Variants in DLGAP1 observed in about 807,000 individuals in gnomAD.
DLGAP1 encodes DLG associated protein 1.
A neutral mutation model predicts 90.8 loss-of-function variants in DLGAP1; 11 were observed. The observed-to-expected ratio is 0.12, with a 90% CI of 0.08 to 0.20. The LOEUF (loss-of-function observed/expected upper bound fraction) is 0.20, where lower values mean the gene tolerates loss of function less well. Among genes scored for constraint, DLGAP1 ranks in the 10% least tolerant of loss-of-function variants. The pLI is 1.00. For synonymous variants in DLGAP1, 558 were observed against 540.7 expected (o/e 1.03, Z -0.44); for missense variants, 1,050 against 1,333.8 (o/e 0.79, Z 3.31).
chr18:3,530,704 G>A (rs560772852), intron 10 of DLGAP1, among the ~76,000 whole-genome samples: 1 of 152,270 alleles, frequency 6.6e-6, no homozygotes, highest in Admixed American at 6.5e-5. Flanking sequence ...TTGTTTACCT[G>A]TCACCAGGGC....
At chr18:3,947,960 A>T (rs1331806643) in intron 3 of DLGAP1, among the ~76,000 whole-genome samples, 1 of 152,150 alleles carries the variant, frequency 6.6e-6, no homozygotes, top group Non-Finnish European at 1.5e-5. Flanking sequence ...ATCTCAGGAA[A>T]TAGAGGTAGT....
intron 7 of DLGAP1, among the ~76,000 whole-genome samples, chr18:3,593,163 C>G (rs951623345): frequency 6.6e-6 from 1 of 152,114 alleles, no homozygotes; most frequent in Non-Finnish European, 1.5e-5. Flanking sequence ...AACACCTTGT[C>G]CACTAAAGCA....
intron 7 of DLGAP1, among the ~76,000 whole-genome samples, chr18:3,651,286 G>C (rs2059293062): frequency 6.6e-6 from 1 of 152,160 alleles, no homozygotes; most frequent in African/African-American, 2.4e-5. Context: ...TTGAACCCAG[G>C]AGGTGGAGGT....
intron 7 of DLGAP1, chr18:3,606,824 T>C (rs1264953869): frequency 6.6e-6 from 1 of 152,244 alleles, no homozygotes; most frequent in East Asian, 1.9e-4. Flanking sequence ...TTCACTGCTA[T>C]GACATGACTA....
At chr18:4,100,169 T>C (rs1373895571) in intron 2 of DLGAP1, among the ~76,000 whole-genome samples, 3 of 152,190 alleles carry the variant, frequency 2.0e-5, no homozygotes, top group Non-Finnish European at 4.4e-5. Context: ...CTATGGCAGC[T>C]ATAGCCTTAC....
rs1298891411 is a variant in DLGAP1, at chr18:4,028,868, GT to G, written c.-158-23668del. On this transcript the variant is annotated intron_variant, in intron 2 of 12. Coordinates refer to ENST00000315677, the MANE Select transcript of DLGAP1 (RefSeq NM_004746.4). The stretch of plus-strand genomic sequence containing the variant: ...TGTGCTAAATGCCATCTAACCCTTT[GT>G]TTTTTTCCAAGCAAGTAGCATTTTT... Among the ~76,000 whole-genome samples, 6 of 151,864 alleles carry G rather than the reference GT, an allele frequency of 4.0e-5. 1 individual carries two copies. The Middle Eastern group carries it at 0.01, about 258-fold the overall frequency.
intron 9 of DLGAP1, among the ~76,000 whole-genome samples, chr18:3,563,781 T>TA (rs2054282412): frequency 6.6e-6 from 1 of 152,258 alleles, no homozygotes; most frequent in Non-Finnish European, 1.5e-5. Flanking sequence ...TCTGGCTTTT[T>TA]ATCAGTCTTC....
intron 1 of DLGAP1, among the ~76,000 whole-genome samples, chr18:4,270,747 T>C (rs907765601): frequency 1.3e-5 from 2 of 152,184 alleles, no homozygotes; most frequent in Non-Finnish European, 2.9e-5. Context: ...AATCAGGTGA[T>C]TTTATAAGCT....
chr18:4,399,878 A>G (rs902285908), intron 1 of DLGAP1, among the ~76,000 whole-genome samples: 5 of 152,192 alleles, frequency 3.3e-5, no homozygotes, highest in African/African-American at 1.2e-4. Context: ...AAATACCTGT[A>G]AAGCACTGAC....
intron 1 of DLGAP1, among the ~76,000 whole-genome samples, chr18:4,407,546 T>C (rs2082687729): frequency 6.6e-6 from 1 of 152,296 alleles, no homozygotes; most frequent in Non-Finnish European, 1.5e-5. Flanking sequence ...AGGAGCTTTC[T>C]GGGTCTCGGC....
intron 7 of DLGAP1, among the ~76,000 whole-genome samples, chr18:3,611,087 G>A (rs1480489489): frequency 1.3e-5 from 2 of 150,776 alleles, no homozygotes; most frequent in Non-Finnish European, 3.0e-5. Flanking sequence ...AGCTATGATC[G>A]CACCACTGCA....
intron 1 of DLGAP1, among the ~76,000 whole-genome samples, chr18:4,249,547 C>T (rs1242640835): frequency 6.6e-6 from 1 of 151,066 alleles, no homozygotes; most frequent in African/African-American, 2.4e-5. Context: ...AGTACAGTAA[C>T]CGTTCAGTAA....
rs73377684 is a variant in DLGAP1, at chr18:3,509,991, G to T, written c.2480-1330C>A. ...CCCCTCCCTCCGTGATCTCGAGGGG[G>T]TCTCCCTTGACAGCTGTCTAGCAGC... On this transcript the variant is annotated intron_variant, in intron 10 of 12. Transcript: ENST00000315677. Among the ~76,000 whole-genome samples, 437 of 152,296 alleles carry T rather than the reference G, an allele frequency of 2.9e-3. 2 individuals are homozygous for T. Among genetic ancestry groups the T allele is most frequent in the Middle Eastern group, 0.017 (5 of 294 alleles).
intron 7 of DLGAP1, among the ~76,000 whole-genome samples, chr18:3,628,937 G>C (rs1004883461): frequency 1.3e-5 from 2 of 152,098 alleles, no homozygotes; most frequent in Non-Finnish European, 2.9e-5. Context: ...ATGCCACCAT[G>C]AATATTCCTG....
At chr18:4,280,934 G>A (rs2079535216) in intron 1 of DLGAP1, 1 of 152,102 alleles carries the variant, frequency 6.6e-6, no homozygotes, top group South Asian at 2.1e-4. Flanking sequence ...GAGATTATTT[G>A]TCTTTTTCTT....
At chr18:4,231,953 G>A (rs1031858431) in intron 1 of DLGAP1, among the ~76,000 whole-genome samples, 2 of 152,118 alleles carry the variant, frequency 1.3e-5, no homozygotes, top group Non-Finnish European at 2.9e-5. Context: ...TAAGCCCATT[G>A]TGTATTAATA....
intron 7 of DLGAP1, among the ~76,000 whole-genome samples, chr18:3,677,716 T>TGG (rs1234715528): frequency 9.2e-5 from 14 of 151,996 alleles, no homozygotes; most frequent in South Asian, 6.2e-4. Flanking sequence ...TGGAGTGCAA[T>TGG]AGCACGATCT....
At chr18:4,346,869 T>G (rs1004509970) in intron 1 of DLGAP1, among the ~76,000 whole-genome samples, 1 of 152,074 alleles carries the variant, frequency 6.6e-6, no homozygotes, top group African/African-American at 2.4e-5. Context: ...AAGTAAAAAT[T>G]AATGCTCAGA....
At chr18:3,795,593 C>T (rs2065952655) in intron 5 of DLGAP1, among the ~76,000 whole-genome samples, 1 of 152,170 alleles carries the variant, frequency 6.6e-6, no homozygotes. Flanking sequence ...GGATTACAGG[C>T]ATGAGTCACC....
Sources: gnomAD v4.1 joint callset for allele counts (sites outside exome capture counted in the v4.1 genomes callset) on GRCh38, gnomAD v4.1.1 for gene constraint, MANE v1.5 for transcripts, NCBI Gene and HGNC (gene_info 2026-07-23, HGNC 2026-07-21) for gene names.